The following NPSR1 variants were observed in gnomAD, a reference collection of about 807,000 sequenced individuals.
NPSR1 encodes the protein neuropeptide S receptor 1, also known as neuropeptide S receptor.
In NPSR1, 48 loss-of-function variants were observed where a neutral mutation model predicts 46.9. That is an observed-to-expected ratio of 1.02 (90% CI 0.81 to 1.30). NPSR1 has a LOEUF of 1.30. Ranked by LOEUF, NPSR1 falls within the 50% of genes most tolerant of loss-of-function variation. The probability of loss-of-function intolerance (pLI) is 0.00; values close to 1 mark genes in which losing one functional copy is unlikely to be tolerated. For missense variants in NPSR1, 450 were observed against 449.5 expected (o/e 1.00, Z -0.01); for synonymous variants, 176 against 168.1 (o/e 1.05, Z -0.36).
chr7:34,837,320 C>A (rs1386160284), intron 6 of NPSR1, among the ~76,000 whole-genome samples: 1 of 152,160 alleles, frequency 6.6e-6, no homozygotes, highest in Non-Finnish European at 1.5e-5. Flanking sequence ...CATATATTTG[C>A]CATGCACTTC....
At chr7:34,773,575 T>C (rs148786524) in intron 2 of NPSR1, among the ~76,000 whole-genome samples, 102 of 152,332 alleles carry the variant, frequency 6.7e-4, no homozygotes, top group African/African-American at 2.3e-3. Flanking sequence ...GGAACCAATG[T>C]AGTCAACTTG....
At chr7:34,746,591 C>T (rs1255282990) in intron 2 of NPSR1, among the ~76,000 whole-genome samples, 2 of 152,198 alleles carry the variant, frequency 1.3e-5, no homozygotes, top group African/African-American at 4.8e-5. Context: ...CAAGTGTTCT[C>T]CCTCCACCCA....
intron 2 of NPSR1, chr7:34,750,197 T>C (rs1256680200): frequency 2.3e-6 from 1 of 442,978 alleles, no homozygotes; most frequent in Non-Finnish European, 4.2e-6. Flanking sequence ...GAATTCTAGG[T>C]CACCCTACAA....
intron 2 of NPSR1, among the ~76,000 whole-genome samples, chr7:34,724,793 A>G (rs1051588912): frequency 2.0e-5 from 3 of 152,206 alleles, no homozygotes; most frequent in Non-Finnish European, 2.9e-5. Context: ...TTAGCATAGT[A>G]TCTAGGTTAC....
At chr7:34,751,672 G>T in intron 2 of NPSR1, 2 of 1,591,828 alleles carry the variant, frequency 1.3e-6, no homozygotes, top group East Asian at 2.2e-5. Flanking sequence ...CCCAGCCAGG[G>T]ACAAGAGGTT....
At chr7:34,669,578 A>AG (rs997905398) in intron 1 of NPSR1, among the ~76,000 whole-genome samples, 5 of 152,102 alleles carry the variant, frequency 3.3e-5, no homozygotes, top group African/African-American at 1.2e-4. Flanking sequence ...CAAAAAAAAA[A>AG]AAAGAAAGAA....
At chr7:34,747,225 G>A (rs145088393) in intron 2 of NPSR1, among the ~76,000 whole-genome samples, 8 of 152,096 alleles carry the variant, frequency 5.3e-5, no homozygotes, top group African/African-American at 1.9e-4. Context: ...GGAGCTGCAG[G>A]TTGGAGAACA....
chr7:34,746,250 T>A (rs1254624114), intron 2 of NPSR1, among the ~76,000 whole-genome samples: 1 of 152,252 alleles, frequency 6.6e-6, no homozygotes, highest in East Asian at 1.9e-4. Flanking sequence ...TCAAACTAGC[T>A]GTATTCAGTA....
At chr7:34,782,714 A>G (rs1787283693) in intron 3 of NPSR1, among the ~76,000 whole-genome samples, 1 of 152,154 alleles carries the variant, frequency 6.6e-6, no homozygotes, top group African/African-American at 2.4e-5. Context: ...ACATCAACAT[A>G]AGGCAAAAAT....
At chr7:34,764,773 A>G (rs537673520) in intron 2 of NPSR1, among the ~76,000 whole-genome samples, 1 of 152,212 alleles carries the variant, frequency 6.6e-6, no homozygotes, top group Non-Finnish European at 1.5e-5. Context: ...AGGACATGAA[A>G]TTCTCTCATA....
At chr7:34,859,704 T>A (rs1295132811) in intron 8 of NPSR1, among the ~76,000 whole-genome samples, 1 of 151,810 alleles carries the variant, frequency 6.6e-6, no homozygotes, top group African/African-American at 2.4e-5. Context: ...GCATCATGAA[T>A]CACTCAAGGA....
chr7:34,702,031 C>A (rs323917), intron 2 of NPSR1, among the ~76,000 whole-genome samples: 1 of 152,122 alleles, frequency 6.6e-6, no homozygotes, highest in Non-Finnish European at 1.5e-5. Flanking sequence ...GAAGTCCGGA[C>A]GTAGGTAATC....
intron 3 of NPSR1, among the ~76,000 whole-genome samples, chr7:34,792,307 A>G (rs1156539698): frequency 6.6e-5 from 10 of 151,960 alleles, no homozygotes; most frequent in Non-Finnish European, 1.2e-4. Flanking sequence ...AATATTTACA[A>G]GCCATACATA....
intron 2 of NPSR1, among the ~76,000 whole-genome samples, chr7:34,705,463 A>G (rs1794058009): frequency 6.6e-6 from 1 of 151,488 alleles, no homozygotes; most frequent in African/African-American, 2.4e-5. Flanking sequence ...GAGAGAAAAG[A>G]AAAGCCTTTC....
chr7:34,758,301 G>A (rs1045783894), intron 2 of NPSR1: 9 of 152,130 alleles, frequency 5.9e-5, no homozygotes, highest in African/African-American at 2.2e-4. Context: ...AGTTCATGGT[G>A]TTTCATGGGA....
intron 8 of NPSR1, among the ~76,000 whole-genome samples, chr7:34,857,110 C>G (rs1230966950): frequency 6.6e-6 from 1 of 151,566 alleles, no homozygotes; most frequent in African/African-American, 2.4e-5. Flanking sequence ...AATTATAATA[C>G]TATTGAGATA....
intron 2 of NPSR1, among the ~76,000 whole-genome samples, chr7:34,726,121 C>T (rs1784138917): frequency 6.6e-6 from 1 of 152,126 alleles, no homozygotes; most frequent in Non-Finnish European, 1.5e-5. Flanking sequence ...CAGACTAATA[C>T]AACTATGGTA....
At chr7:34,834,620 G>A (rs1043233737) in intron 6 of NPSR1, among the ~76,000 whole-genome samples, 160 bp downstream of exon 6, 1 of 152,158 alleles carries the variant, frequency 6.6e-6, no homozygotes, top group Admixed American at 6.6e-5. Flanking sequence ...TCACAGGCGG[G>A]CTCTGTCTTC....
At chr7:34,687,176 AGGAAGTTGCT>A (rs1255090716) in intron 2 of NPSR1, among the ~76,000 whole-genome samples, 5 of 151,732 alleles carry the variant, frequency 3.3e-5, no homozygotes. Flanking sequence ...TTTTTAACAA[AGGAAGTTGCT>A]CCCTAAAAAA....
Sources: gnomAD v4.1 joint callset for allele counts (sites outside exome capture counted in the v4.1 genomes callset) on GRCh38, gnomAD v4.1.1 for gene constraint, MANE v1.5 for transcripts, NCBI Gene and HGNC (gene_info 2026-07-23, HGNC 2026-07-21) for gene names.